Variants in CDK2AP1 observed in about 807,000 individuals in gnomAD.
CDK2AP1 encodes cyclin-dependent kinase 2-associated protein 1.
Under a neutral mutation model 14.1 loss-of-function variants are expected in CDK2AP1, and 10 were observed. The ratio of observed to expected loss-of-function variants is 0.71; its 90% CI spans 0.44 to 1.20. The LOEUF is 1.20. Ranked by LOEUF, CDK2AP1 falls within the 50% of genes most tolerant of loss-of-function variation. The pLI is 0.00. For synonymous variants in CDK2AP1, 59 were observed against 59.8 expected (o/e 0.99, Z 0.06); for missense variants, 102 against 149.9 (o/e 0.68, Z 1.67).
In CDK2AP1 at chr12:123,261,605, C is replaced by T. The variant is rs2048233164; in HGVS notation, c.*131G>A. ...AATCTTTGAGACTGTAGGTTCAGAG[C>T]CAAGTGAACCATGGGAGGAAAAACG... On this transcript the variant is annotated 3_prime_UTR_variant, in exon 4 of 4. Coordinates refer to ENST00000261692, the MANE Select transcript of CDK2AP1 (RefSeq NM_004642.4). 3 of 698,974 alleles carry T rather than the reference C, an allele frequency of 4.3e-6. No homozygotes were observed. The highest frequency in any genetic ancestry group is 1.8e-5 in the African/African-American group (1 of 56,928). 43.3% of individuals were successfully genotyped at this position (698,974 alleles called of 1,614,324 possible).
chr12:123,261,806 G>A lies in CDK2AP1; in HGVS notation c.281-3C>T, dbSNP rs111554284. On this transcript the variant is annotated splice_region_variant and splice_polypyrimidine_tract_variant and intron_variant, in intron 3 of 3. Coordinates refer to ENST00000261692, the MANE Select transcript of CDK2AP1 (RefSeq NM_004642.4). The stretch of plus-strand genomic sequence containing the variant: ...CAGTCCTCTAGCGTGAATGATGCCT[G>A]AAACAGAGGCAGAGACCTGAGGTCA... 6.2e-7 allele frequency: 1 copy of A among 1,610,920 alleles called. No individual in the cohort carries two copies. Among genetic ancestry groups the A allele is most frequent in the Non-Finnish European group, 8.5e-7 (1 of 1,177,040 alleles).
intron 2 of CDK2AP1, among the ~76,000 whole-genome samples, chr12:123,266,192 C>A (rs993718494): frequency 6.6e-6 from 1 of 152,248 alleles, no homozygotes; most frequent in Non-Finnish European, 1.5e-5. Context: ...TGGCCTCGCG[C>A]TCTGTCCTGT....
rs2048227219 is a variant in CDK2AP1, at chr12:123,261,036, A to G, written c.*700T>C. 1 of 152,514 alleles carries G rather than the reference A, an allele frequency of 6.6e-6. No individual in the cohort carries two copies. Among genetic ancestry groups the G allele is most frequent in the African/African-American group, 2.4e-5 (1 of 41,456 alleles). The allele number at this position is 152,514 out of a possible 1,614,324, so 9.4% of individuals were successfully genotyped here. On this transcript the variant is annotated 3_prime_UTR_variant, in exon 4 of 4. Coordinates refer to ENST00000261692, the MANE Select transcript of CDK2AP1 (RefSeq NM_004642.4). ...GAAAATAAGCTTTATTACATCAAGT[A>G]ATAAATACATACAAAGATGCAAACA...
chr12:123,266,663 C>G (rs1029350024), intron 2 of CDK2AP1, among the ~76,000 whole-genome samples: 30 of 152,186 alleles, frequency 2.0e-4, no homozygotes, highest in African/African-American at 7.0e-4. Flanking sequence ...GGGCAGTTAC[C>G]AAGTGGGGGG....
At position 123,265,882 on chromosome 12, in the gene CDK2AP1, G is replaced by A. The variant is rs933878723; in HGVS notation, c.154-560C>T. ...CTCCAAGCCAGTGGGGAGACAAGAG[G>A]CCACACCTGGGCCACCAGGACCACA... On this transcript the variant is annotated intron_variant, in intron 2 of 3. Coordinates refer to ENST00000261692, the MANE Select transcript of CDK2AP1 (RefSeq NM_004642.4). This position sits in a 1 kb window ranked among gnomAD's most constrained non-coding sequence, Gnocchi z 5.3. 1.3e-5 allele frequency among the ~76,000 whole-genome samples: 2 copies of A among 152,138 alleles called. No individual in the cohort carries two copies. The highest frequency in any genetic ancestry group is 2.9e-5 in the Non-Finnish European group (2 of 68,020).
intron 2 of CDK2AP1, among the ~76,000 whole-genome samples, chr12:123,266,189 G>T (rs528795518): frequency 3.3e-5 from 5 of 152,170 alleles, no homozygotes; most frequent in African/African-American, 9.7e-5. Context: ...CCCTGGCCTC[G>T]CGCTCTGTCC....
intron 1 of CDK2AP1, 88 bp downstream of exon 1, chr12:123,271,476 G>T: frequency 1.4e-6 from 1 of 697,520 alleles, no homozygotes; most frequent in Non-Finnish European, 1.8e-6. Flanking sequence ...CGGCCTCCGC[G>T]GGCGCCCCGG....
intron 1 of CDK2AP1, among the ~76,000 whole-genome samples, chr12:123,268,529 T>G (rs2048321643): frequency 6.6e-6 from 1 of 152,222 alleles, no homozygotes; most frequent in Non-Finnish European, 1.5e-5. Flanking sequence ...TTCCGAGCTG[T>G]CTCCTGAGTC....
chr12:123,265,184 G>A lies in CDK2AP1; in HGVS notation c.280+12C>T, dbSNP rs1485548561. ...ACTGTGGTCACCGACAGGGCAGCGGGGCCGGGCTTACCGCGCTTCAGCCTC... is the reference window on the plus strand; with the variant it reads ...ACTGTGGTCACCGACAGGGCAGCGGAGCCGGGCTTACCGCGCTTCAGCCTC... On this transcript the variant is annotated intron_variant, in intron 3 of 3. Transcript: ENST00000261692. This position sits in a 1 kb window ranked among gnomAD's most constrained non-coding sequence, Gnocchi z 5.3. 16 of 1,613,762 alleles carry A rather than the reference G, an allele frequency of 9.9e-6. No individual in the cohort carries two copies. The highest frequency in any genetic ancestry group is 1.4e-5 in the Non-Finnish European group (16 of 1,179,840).
At position 123,265,383 on chromosome 12, in the gene CDK2AP1, G is replaced by C. The variant is rs2048279592; in HGVS notation, c.154-61C>G. The C allele has an allele frequency of 6.4e-7, 1 of 1,560,032 alleles. No individual in the cohort carries two copies. The highest frequency in any genetic ancestry group is 8.8e-7 in the Non-Finnish European group (1 of 1,132,830). On this transcript the variant is annotated intron_variant, in intron 2 of 3. Transcript: ENST00000261692. This position sits in a 1 kb window ranked among gnomAD's most constrained non-coding sequence, Gnocchi z 5.3. The stretch of plus-strand genomic sequence containing the variant: ...CCGGGCGTGGTGGTGCGTGCCTGTA[G>C]TCCCAGTTACTCAGGAGGCTGAGGC...
intron 3 of CDK2AP1, among the ~76,000 whole-genome samples, chr12:123,263,210 C>CA (rs1322793114): frequency 0.037 from 2,621 of 71,334 alleles, 61 homozygotes; most frequent in African/African-American, 0.065. Flanking sequence ...GACTCTGTCT[C>CA]AAAAAAAAAA....
chr12:123,263,566 C>T (rs1162290664), intron 3 of CDK2AP1, among the ~76,000 whole-genome samples: 1 of 152,188 alleles, frequency 6.6e-6, no homozygotes, highest in Non-Finnish European at 1.5e-5. Flanking sequence ...CTGGGACCAC[C>T]CAACTCTCCA....
chr12:123,265,087 A>G lies in CDK2AP1; in HGVS notation c.280+109T>C. ...ACTCTGTAACAAGACAGGAGCTCCC[A>G]TGAGTGAGCCTCATCCCTAGCCCAC... On this transcript the variant is annotated intron_variant, in intron 3 of 3. Transcript: ENST00000261692. This position sits in a 1 kb window ranked among gnomAD's most constrained non-coding sequence, Gnocchi z 5.3. 1 of 1,447,024 alleles carries G rather than the reference A, an allele frequency of 6.9e-7. No homozygotes were observed. 89.6% of individuals were successfully genotyped at this position (1,447,024 alleles called of 1,614,324 possible).
At position 123,265,222 on chromosome 12, in the gene CDK2AP1, T is replaced by C. The variant is rs2048277763; in HGVS notation, c.254A>G (p.Lys85Arg). The change falls in exon 3 of 4, where the codon AAG becomes AGG. Residue 85 changes from lysine (K) to arginine (R), a missense_variant. Transcript: ENST00000261692. The surrounding 1 kb of genome is among the most constrained non-coding windows in gnomAD (Gnocchi z 5.3). Reference protein sequence around the residue: ...KEIRPTYAGSKSAMERLKRGI... With the variant: ...KEIRPTYAGSRSAMERLKRGI... Reference sequence around the variant, plus strand: ...GCGCTTCAGCCTCTCCATGGCACTCTTGCTCCCTGCGTACGTGGGTCTGAT... The same window carrying C: ...GCGCTTCAGCCTCTCCATGGCACTCCTGCTCCCTGCGTACGTGGGTCTGAT... 2 of 1,614,222 alleles carry C rather than the reference T, an allele frequency of 1.2e-6. No homozygotes were observed. The highest frequency in any genetic ancestry group is 2.2e-5 in the East Asian group (1 of 44,886).
chr12:123,266,223 TCTGCCTCCCCACGGCA>T (rs1233141631), intron 2 of CDK2AP1, among the ~76,000 whole-genome samples: 3 of 152,228 alleles, frequency 2.0e-5, no homozygotes, highest in Non-Finnish European at 4.4e-5. Flanking sequence ...CTCCGGCTGC[TCTGCCTCCCCACGGCA>T]CTGCCTCCAG....
chr12:123,265,174 A>G lies in CDK2AP1; in HGVS notation c.280+22T>C. 1 of 1,614,082 alleles carries G rather than the reference A, an allele frequency of 6.2e-7. No individual in the cohort carries two copies. Among genetic ancestry groups the G allele is most frequent in the South Asian group, 1.1e-5 (1 of 91,076 alleles). Reference sequence around the variant, plus strand: ...AAGGTCTAGCACTGTGGTCACCGACAGGGCAGCGGGGCCGGGCTTACCGCG... The same window carrying G: ...AAGGTCTAGCACTGTGGTCACCGACGGGGCAGCGGGGCCGGGCTTACCGCG... On this transcript the variant is annotated intron_variant, in intron 3 of 3. Coordinates refer to ENST00000261692, the MANE Select transcript of CDK2AP1 (RefSeq NM_004642.4). This position sits in a 1 kb window ranked among gnomAD's most constrained non-coding sequence, Gnocchi z 5.3.
chr12:123,268,534 T>C (rs1220022880), intron 1 of CDK2AP1, among the ~76,000 whole-genome samples: 1 of 152,254 alleles, frequency 6.6e-6, no homozygotes, highest in Non-Finnish European at 1.5e-5. Flanking sequence ...AGCTGTCTCC[T>C]GAGTCTCAGG....
At chr12:123,268,722 G>A (rs942380068) in intron 1 of CDK2AP1, among the ~76,000 whole-genome samples, 1 of 152,200 alleles carries the variant, frequency 6.6e-6, no homozygotes, top group Non-Finnish European at 1.5e-5. Flanking sequence ...TGCGCTATAG[G>A]GGCGGGTTGC....
In CDK2AP1 at chr12:123,271,775, G is replaced by T. The variant is rs1258475439; in HGVS notation, c.-157C>A. On this transcript the variant is annotated 5_prime_UTR_variant, in exon 1 of 4. Coordinates refer to ENST00000261692, the MANE Select transcript of CDK2AP1 (RefSeq NM_004642.4). ...TGTTGTCGGCGGCTCGGGCCGCGCC[G>T]GCAAATATGGCCGTCCGCGCCCTGC... 6.6e-6 allele frequency: 1 copy of T among 151,484 alleles called. No individual in the cohort carries two copies. The highest frequency in any genetic ancestry group is 2.0e-4 in the East Asian group (1 of 5,080). The allele number at this position is 151,484 out of a possible 1,614,324, so 9.4% of individuals were successfully genotyped here.
Sources: allele counts gnomAD v4.1 joint callset (sites outside exome capture counted in the v4.1 genomes callset), GRCh38; gene constraint gnomAD v4.1.1; non-coding constraint Gnocchi (gnomAD v3.1); transcripts MANE v1.5; gene names NCBI Gene and HGNC (gene_info 2026-07-23, HGNC 2026-07-21).